The following NEDD4 variants were observed in gnomAD, a reference collection of about 807,000 sequenced individuals.
NEDD4 encodes the protein E3 ubiquitin-protein ligase NEDD4.
NEDD4 carries 99 observed loss-of-function variants against 144.9 expected under a neutral mutation model. That is an observed-to-expected ratio of 0.68 (90% CI 0.58 to 0.81). The LOEUF (loss-of-function observed/expected upper bound fraction) is 0.81. Ranked by LOEUF, NEDD4 falls within the 30% of genes least tolerant of loss-of-function variation. The pLI, the probability that NEDD4 is intolerant of heterozygous loss-of-function variation, is 0.00. For missense variants in NEDD4, 985 were observed against 1,065.9 expected, an observed-to-expected ratio of 0.92 and a Z score of 1.06; for synonymous variants, 318 against 350.6, an observed-to-expected ratio of 0.91 and a Z score of 1.04.
intron 5 of NEDD4, among the ~76,000 whole-genome samples, chr15:55,892,375 A>C (rs1454610526): frequency 6.6e-6 from 1 of 151,750 alleles, no homozygotes; most frequent in Admixed American, 6.6e-5. Flanking sequence ...TAAAAGGCAA[A>C]GGATTATAGA....
intron 4 of NEDD4, among the ~76,000 whole-genome samples, chr15:55,941,386 T>C (rs563837448): frequency 2.6e-5 from 4 of 152,340 alleles, no homozygotes; most frequent in African/African-American, 9.6e-5. Flanking sequence ...ACATTTGGTA[T>C]GTTATGCTTT....
In NEDD4 at chr15:55,827,488, A is replaced by G. The variant is rs1354267103; in HGVS notation, c.*2409T>C. ...TTCTATGAGTCACAGAATCATCCAA[A>G]TGAGTATCAGCCAGATACAAAGAAA... On this transcript the variant is annotated 3_prime_UTR_variant, in exon 29 of 29. Transcript: ENST00000435532. The G allele has an allele frequency of 1.3e-5, 2 of 152,176 alleles. No individual in the cohort carries two copies. Among genetic ancestry groups the G allele is most frequent in the Non-Finnish European group, 2.9e-5 (2 of 68,040 alleles). The allele number at this position is 152,176 out of a possible 1,614,324, so 9.4% of individuals were successfully genotyped here.
intron 4 of NEDD4, among the ~76,000 whole-genome samples, chr15:55,941,929 A>G (rs1298370181): frequency 6.6e-6 from 1 of 152,154 alleles, no homozygotes; most frequent in African/African-American, 2.4e-5. Flanking sequence ...GTGGCCCAAT[A>G]TGTGGTCTAT....
intron 2 of NEDD4, among the ~76,000 whole-genome samples, chr15:55,963,700 T>A (rs938187524): frequency 3.1e-4 from 47 of 152,232 alleles, no homozygotes; most frequent in African/African-American, 9.6e-4. Flanking sequence ...GTTTTGTATA[T>A]TCCCAGATAT....
chr15:55,848,962 C>A, intron 14 of NEDD4, 76 bp from the exon 15 acceptor site: 1 of 1,106,024 alleles, frequency 9.0e-7, no homozygotes, highest in South Asian at 1.3e-5. Context: ...ACCATGTTTT[C>A]TAACATCAAT....
intron 2 of NEDD4, among the ~76,000 whole-genome samples, chr15:55,960,128 A>G (rs919181922): frequency 2.1e-4 from 32 of 151,934 alleles, no homozygotes; most frequent in Non-Finnish European, 2.8e-4. Flanking sequence ...CTGACCCCAT[A>G]CCCCCAAAGG....
intron 1 of NEDD4, among the ~76,000 whole-genome samples, chr15:55,984,874 C>A (rs533885174): frequency 6.6e-6 from 1 of 152,286 alleles, no homozygotes; most frequent in East Asian, 1.9e-4. Context: ...ACAATGGGTT[C>A]AGCAATTCAA....
At chr15:55,947,300 A>T (rs2037134510) in intron 4 of NEDD4, among the ~76,000 whole-genome samples, 1 of 151,532 alleles carries the variant, frequency 6.6e-6, no homozygotes, top group Non-Finnish European at 1.5e-5. Flanking sequence ...AATCAAATAG[A>T]CGCAATAAAA....
intron 1 of NEDD4, among the ~76,000 whole-genome samples, chr15:55,980,300 C>A (rs1481548391): frequency 6.6e-6 from 1 of 152,162 alleles, no homozygotes; most frequent in African/African-American, 2.4e-5. Context: ...TAGGGGCTGA[C>A]AAATTCTGGA....
intron 4 of NEDD4, among the ~76,000 whole-genome samples, chr15:55,929,714 T>C (rs1277409593): frequency 6.6e-6 from 1 of 152,222 alleles, no homozygotes; most frequent in Non-Finnish European, 1.5e-5. Context: ...TTTTCTGTTT[T>C]ATCACTGTTA....
intron 1 of NEDD4, among the ~76,000 whole-genome samples, chr15:55,977,364 A>G (rs770452703): frequency 2.0e-5 from 3 of 152,248 alleles, no homozygotes; most frequent in Non-Finnish European, 2.9e-5. Flanking sequence ...TATATCACAC[A>G]GCCTAGGTGT....
At chr15:55,965,628 C>T (rs967377985) in intron 2 of NEDD4, among the ~76,000 whole-genome samples, 3 of 152,148 alleles carry the variant, frequency 2.0e-5, no homozygotes, top group African/African-American at 7.2e-5. Context: ...ATTCTACTTT[C>T]CACAACAACT....
At chr15:55,961,246 G>C (rs538187462) in intron 2 of NEDD4, among the ~76,000 whole-genome samples, 2 of 152,196 alleles carry the variant, frequency 1.3e-5, no homozygotes, top group African/African-American at 4.8e-5. Context: ...CAAATTCCTA[G>C]AGTCTCATCA....
chr15:55,949,705 A>T (rs1243130320), intron 4 of NEDD4, among the ~76,000 whole-genome samples: 1 of 152,238 alleles, frequency 6.6e-6, no homozygotes, highest in Non-Finnish European at 1.5e-5. Flanking sequence ...GCAGGGACAA[A>T]AAACCAAACA....
At chr15:55,857,550 T>C (rs2034246927) in intron 11 of NEDD4, among the ~76,000 whole-genome samples, 1 of 152,174 alleles carries the variant, frequency 6.6e-6, no homozygotes, top group Non-Finnish European at 1.5e-5. Flanking sequence ...CTCGAACTCC[T>C]AACCTCATGT....
rs1347616664 is a variant in NEDD4 at position 55,829,976 on chromosome 15, G to A, written c.2624C>T (p.Pro875Leu). 3.1e-6 allele frequency: 5 copies of A among 1,613,126 alleles called. No homozygotes were observed. The highest frequency in any genetic ancestry group is 4.2e-6 in the Non-Finnish European group (5 of 1,179,648). Residue 875 changes from proline to leucine, a missense_variant, in exon 29 of 29, where the codon CCT becomes CTT. By Grantham distance (98) the Pro-to-Leu change is moderately conservative. Coordinates refer to ENST00000435532, the MANE Select transcript of NEDD4 (RefSeq NM_006154.4). ...CCATAATTCTTCAAATGATTCATAA[G>A]GTGGCAAGTCCAGGCGATTAAAACT... ...HTCFNRLDLP[P>L]YESFEELWDK...
chr15:55,848,465 T>C lies in NEDD4; in HGVS notation c.1484-35A>G, dbSNP rs766931136. ...AGAAAAAGAAAAAAGATGTACTTTC[T>C]CACACATAAAATTTATTACAAAAAA... On this transcript the variant is annotated intron_variant, in intron 16 of 28. Transcript: ENST00000435532. The C allele has an allele frequency of 8.7e-6, 14 of 1,612,974 alleles. No individual in the cohort carries two copies. The African/African-American group carries it at 1.2e-4, about 14-fold the overall frequency.
Position 55,854,940 on chromosome 15 carries a change from T to C in NEDD4, c.1026+1191A>G, listed in dbSNP as rs146393136. Among the ~76,000 whole-genome samples, 789 of 152,264 alleles carry C rather than the reference T, an allele frequency of 5.2e-3. 7 individuals are homozygous for C. Among genetic ancestry groups the C allele is most frequent in the African/African-American group, 0.018 (756 of 41,558 alleles). ...TCAATGAGAACTTCCACATATTCAT[T>C]GTATAGAGGACATTATAACGTGCAG... is the stretch of plus-strand genomic sequence containing the variant. On this transcript the variant is annotated intron_variant, in intron 12 of 28. Coordinates refer to ENST00000435532, the MANE Select transcript of NEDD4 (RefSeq NM_006154.4).
In NEDD4 at chr15:55,848,580, AAT is replaced by A. The variant is rs1364710754; in HGVS notation, c.1429-7_1429-6del. On this transcript the variant is annotated splice_region_variant and splice_polypyrimidine_tract_variant and intron_variant, in intron 15 of 28. Transcript: ENST00000435532. ...AGTTCTCTCTTCCCATCCTGGCTATAATTAAAAATGTATTTCAATTATTTTAG... is the reference window on the plus strand; with the variant it reads ...AGTTCTCTCTTCCCATCCTGGCTATATAAAAATGTATTTCAATTATTTTAG... 6.2e-7 allele frequency: 1 copy of A among 1,611,306 alleles called. No individual in the cohort carries two copies. Among genetic ancestry groups the A allele is most frequent in the African/African-American group, 1.3e-5 (1 of 74,892 alleles).
Sources: allele counts gnomAD v4.1 joint callset (sites outside exome capture counted in the v4.1 genomes callset), GRCh38; gene constraint gnomAD v4.1.1; transcripts MANE v1.5; gene names NCBI Gene and HGNC (gene_info 2026-07-23, HGNC 2026-07-21).